The following RARB variants were observed in gnomAD, a reference collection of about 807,000 sequenced individuals.
RARB encodes the protein retinoic acid receptor beta, also known as HBV-activated protein.
A neutral mutation model predicts 51.9 loss-of-function variants in RARB; 17 were observed. That is an observed-to-expected ratio of 0.33 (90% confidence interval 0.22 to 0.49). The LOEUF (loss-of-function observed/expected upper bound fraction) is 0.49, where lower values mean the gene tolerates loss of function less well. Among genes scored for constraint, RARB ranks in the 20% least tolerant of loss-of-function variants. The pLI, the probability that RARB is intolerant of heterozygous loss-of-function variation, is 0.99. For synonymous variants in RARB, 215 were observed against 195.4 expected, an observed-to-expected ratio of 1.10 and a Z score of -0.84; for missense variants, 369 against 550.8, an observed-to-expected ratio of 0.67 and a Z score of 3.30.
intron 1 of RARB, among the ~76,000 whole-genome samples, chr3:25,442,029 A>G (rs1164229343): frequency 6.6e-6 from 1 of 152,216 alleles, no homozygotes; most frequent in Non-Finnish European, 1.5e-5. Flanking sequence ...ACATTGTCTA[A>G]TATCATAGTC....
rs530330985 is a variant in RARB at position 25,387,861 on chromosome 3, T to C, written c.179-73332T>C. ...AAGGCTCAGAAATATCCCAGCTTTA[T>C]CCTTAGGGAATAGAAAAAAAAAAAA... On this transcript the variant is annotated intron_variant, in intron 5 of 11. Coordinates refer to the RARB transcript ENST00000383772. 1.6e-3 allele frequency among the ~76,000 whole-genome samples: 250 copies of C among 151,712 alleles called. 1 individual carries two copies. The highest frequency in any genetic ancestry group is 5.7e-3 in the African/African-American group (236 of 41,260).
At chr3:25,034,480 A>G (rs997263289) in intron 2 of RARB, among the ~76,000 whole-genome samples, 3 of 152,240 alleles carry the variant, frequency 2.0e-5, no homozygotes, top group Non-Finnish European at 4.4e-5. Context: ...GGAAAAGTGT[A>G]TAGACAGTGA....
At chr3:25,045,525 C>G (rs1177590229) in intron 2 of RARB, among the ~76,000 whole-genome samples, 2 of 152,200 alleles carry the variant, frequency 1.3e-5, no homozygotes, top group Non-Finnish European at 2.9e-5. Flanking sequence ...TGTTTGGGGC[C>G]TCTGTTTGTG....
intron 5 of RARB, among the ~76,000 whole-genome samples, chr3:25,404,781 G>T (rs902157201): frequency 6.6e-6 from 1 of 152,172 alleles, no homozygotes; most frequent in Non-Finnish European, 1.5e-5. Flanking sequence ...AACAAGTGAA[G>T]ATTTTTGTGG....
intron 5 of RARB, among the ~76,000 whole-genome samples, chr3:25,344,158 T>C (rs7615609): frequency 0.16 from 24,832 of 152,170 alleles, 2,103 homozygotes; most frequent in South Asian, 0.21. Flanking sequence ...CATATTAAAC[T>C]CTTCATTTCT....
intron 3 of RARB, among the ~76,000 whole-genome samples, chr3:25,517,303 A>T (rs764201067): frequency 3.3e-5 from 5 of 152,242 alleles, no homozygotes; most frequent in Non-Finnish European, 7.3e-5. Context: ...CAGTAAAAAG[A>T]TAAATAGCTC....
intron 5 of RARB, among the ~76,000 whole-genome samples, chr3:25,394,430 A>T (rs2125489646): frequency 6.6e-6 from 1 of 152,268 alleles, no homozygotes; most frequent in South Asian, 2.1e-4. Flanking sequence ...TCTAAGGTAT[A>T]GTTTCAGTCC....
At chr3:25,385,995 C>A (rs1169463371) in intron 5 of RARB, among the ~76,000 whole-genome samples, 1 of 152,140 alleles carries the variant, frequency 6.6e-6, no homozygotes, top group African/African-American at 2.4e-5. Flanking sequence ...TTCCGTCAGT[C>A]CGTGAGCTTA....
chr3:25,483,527 C>CTTTTTTTTTT (rs199602182), intron 2 of RARB, among the ~76,000 whole-genome samples: 1 of 113,668 alleles, frequency 8.8e-6, no homozygotes, highest in Non-Finnish European at 1.9e-5. Context: ...CATATTTCTT[C>CTTTTTTTTTT]TTTTTTTTTT....
At chr3:25,276,148 T>C (rs1460458914) in intron 5 of RARB, among the ~76,000 whole-genome samples, 1 of 152,228 alleles carries the variant, frequency 6.6e-6, no homozygotes, top group Non-Finnish European at 1.5e-5. Context: ...CCTTAGAATA[T>C]GTGTGAATCA....
chr3:24,922,984 T>A (rs1261087662), intron 2 of RARB, among the ~76,000 whole-genome samples: 1 of 152,174 alleles, frequency 6.6e-6, no homozygotes. Flanking sequence ...GAGACTATAT[T>A]TTTTCTTTGT....
chr3:25,071,291 T>C (rs1288137034), intron 3 of RARB, among the ~76,000 whole-genome samples: 1 of 152,226 alleles, frequency 6.6e-6, no homozygotes, highest in East Asian at 1.9e-4. Context: ...GACAGGGTGC[T>C]AGCTGATTTT....
At chr3:25,363,344 A>T (rs900563803) in intron 5 of RARB, among the ~76,000 whole-genome samples, 2 of 152,030 alleles carry the variant, frequency 1.3e-5, no homozygotes, top group Admixed American at 6.6e-5. Context: ...CTGGAGCTCA[A>T]CTCATACATC....
intron 4 of RARB, among the ~76,000 whole-genome samples, chr3:25,576,537 T>G (rs1700941639): frequency 6.6e-6 from 1 of 152,136 alleles, no homozygotes; most frequent in Non-Finnish European, 1.5e-5. Context: ...GGATAGATGG[T>G]CCTTTCCAAG....
intron 5 of RARB, among the ~76,000 whole-genome samples, chr3:25,241,684 A>G (rs1403662544): frequency 6.6e-6 from 1 of 152,166 alleles, no homozygotes; most frequent in African/African-American, 2.4e-5. Flanking sequence ...CATGGTTTAT[A>G]TGTGCCACAT....
At chr3:25,016,592 G>A (rs147852410) in intron 2 of RARB, among the ~76,000 whole-genome samples, 6 of 152,248 alleles carry the variant, frequency 3.9e-5, no homozygotes, top group Non-Finnish European at 5.9e-5. Context: ...AAGAAAGTAC[G>A]GTGGATACAA....
intron 2 of RARB, among the ~76,000 whole-genome samples, chr3:25,491,321 A>C (rs1373386480): frequency 6.6e-6 from 1 of 152,054 alleles, no homozygotes; most frequent in Admixed American, 6.5e-5. Context: ...AAAGCCCAGT[A>C]GTAAAACATA....
chr3:25,572,503 G>A (rs1559473780), intron 4 of RARB, among the ~76,000 whole-genome samples: 1 of 152,136 alleles, frequency 6.6e-6, no homozygotes, highest in Non-Finnish European at 1.5e-5. Context: ...CAAGTGGTCA[G>A]AGGTGAGACT....
Position 25,569,981 on chromosome 3 carries a change from GACACACACACACACAC to G in RARB, c.609+88_609+103del, listed in dbSNP as rs56255512. ...GAAACCTTGTACGTGCATGTGTGCA[GACACACACACACACAC>G]ACACACACACACACACACACACACT... On this transcript the variant is annotated intron_variant, in intron 4 of 7. Transcript: ENST00000330688. 725 of 1,069,374 alleles carry G rather than the reference GACACACACACACACAC, an allele frequency of 6.8e-4. 1 individual carries two copies. The highest frequency in any genetic ancestry group is 2.4e-3 in the African/African-American group (150 of 62,542). The allele number at this position is 1,069,374 out of a possible 1,614,324, so 66.2% of individuals were successfully genotyped here.
Sources: allele counts gnomAD v4.1 joint callset (sites outside exome capture counted in the v4.1 genomes callset), GRCh38; gene constraint gnomAD v4.1.1; transcripts MANE v1.5; gene names NCBI Gene and HGNC (gene_info 2026-07-23, HGNC 2026-07-21).